PPARA: variants seen among roughly 807,000 people sequenced by gnomAD.
The protein encoded by PPARA is peroxisome proliferator-activated receptor alpha.
In PPARA, 22 loss-of-function variants were observed where a neutral mutation model predicts 42.2. That is an observed-to-expected ratio of 0.52 (90% CI 0.37 to 0.74). The LOEUF is 0.74. Among genes scored for constraint, PPARA ranks in the 30% least tolerant of loss-of-function variants. PPARA has a pLI of 0.00. For missense variants in PPARA, 465 were observed against 608.2 expected, an observed-to-expected ratio of 0.76 and a Z score of 2.48; for synonymous variants, 242 against 239.3, an observed-to-expected ratio of 1.01 and a Z score of -0.10.
rs148478205 is a variant in PPARA at position 46,237,669 on chromosome 22, C to T, written c.*2289C>T. 8.3e-3 allele frequency: 1,268 copies of T among 152,086 alleles called. 10 individuals are homozygous for T. The highest frequency in any genetic ancestry group is 0.024 in the Middle Eastern group (7 of 290). The allele number at this position is 152,086 out of a possible 1,614,324, so 9.4% of individuals were successfully genotyped here. ...TGTTGGCCAGCAATGGCAGCAGCAG[C>T]GGCGGGCAGTCTGCCCAAGTGTCTT... On this transcript the variant is annotated 3_prime_UTR_variant, in exon 9 of 9. Coordinates refer to ENST00000407236, the MANE Select transcript of PPARA (RefSeq NM_005036.6). This position sits in a 1 kb window ranked among gnomAD's most constrained non-coding sequence, Gnocchi z 6.7.
In PPARA at chr22:46,238,734, G is replaced by A. The variant is rs1389324503; in HGVS notation, c.*3354G>A. ...CCTCTCCATTGTCCAGGGGAGCCTG[G>A]CGGCGCATCCCTCCTCTCCCACCTC... On this transcript the variant is annotated 3_prime_UTR_variant, in exon 9 of 9. Coordinates refer to ENST00000407236, the MANE Select transcript of PPARA (RefSeq NM_005036.6). The surrounding 1 kb of genome is among the most constrained non-coding windows in gnomAD (Gnocchi z 8.3). The A allele has an allele frequency of 6.6e-6, 1 of 152,328 alleles. No individual in the cohort carries two copies. The highest frequency in any genetic ancestry group is 2.4e-5 in the African/African-American group (1 of 41,444). 9.4% of individuals were successfully genotyped at this position (152,328 alleles called of 1,614,324 possible).
Position 46,187,757 on chromosome 22 carries a change from G to C in PPARA, c.-42-10585G>C, listed in dbSNP as rs1448870318. Among the ~76,000 whole-genome samples, 1 of 152,156 alleles carries C rather than the reference G, an allele frequency of 6.6e-6. No homozygotes were observed. The highest frequency in any genetic ancestry group is 1.5e-5 in the Non-Finnish European group (1 of 68,032). On this transcript the variant is annotated intron_variant, in intron 3 of 8. Coordinates refer to ENST00000407236, the MANE Select transcript of PPARA (RefSeq NM_005036.6). This position sits in a 1 kb window ranked among gnomAD's most constrained non-coding sequence, Gnocchi z 4.9. ...TCCTACCTCTGCAGACTCACCTCTT[G>C]CCACTTCTCCCTTGAGGTAGATCAA... is the stretch of plus-strand genomic sequence containing the variant.
chr22:46,155,044 A>G (rs913677075), intron 2 of PPARA: 2 of 140,290 alleles, frequency 1.4e-5, no homozygotes, highest in Non-Finnish European at 3.1e-5. Flanking sequence ...TAATTAAAAT[A>G]TGTATTTGCT....
rs151142567 is a variant in PPARA at position 46,206,971 on chromosome 22, C to T, written c.209-8202C>T. ...GGCACAGTGGTTCACGCCTGTAATCCGAGCACTTTGGGAGGCCGAGGCGGG... is the reference window on the plus strand; with the variant it reads ...GGCACAGTGGTTCACGCCTGTAATCTGAGCACTTTGGGAGGCCGAGGCGGG... On this transcript the variant is annotated intron_variant, in intron 4 of 8. Transcript: ENST00000407236. Among the ~76,000 whole-genome samples, 271 of 152,166 alleles carry T rather than the reference C, an allele frequency of 1.8e-3. 3 individuals are homozygous for T. The East Asian group carries it at 0.04, about 23-fold the overall frequency.
At chr22:46,207,047 AC>A (rs1933381487) in intron 4 of PPARA, among the ~76,000 whole-genome samples, 2 of 152,060 alleles carry the variant, frequency 1.3e-5, no homozygotes, top group Admixed American at 1.3e-4. Context: ...ATAAGGTGAA[AC>A]CCTGTCTTTA....
Position 46,215,174 on chromosome 22 carries a change from C to CA in PPARA, c.211dup (p.Thr71AsnfsTer33). 6.2e-7 allele frequency: 1 copy of CA among 1,613,810 alleles called. No individual in the cohort carries two copies. The highest frequency in any genetic ancestry group is 8.5e-7 in the Non-Finnish European group (1 of 1,179,952). On this transcript the variant is annotated frameshift_variant and splice_region_variant, in exon 5 of 9. Coordinates refer to ENST00000407236, the MANE Select transcript of PPARA (RefSeq NM_005036.6). LOFTEE classifies it high-confidence loss of function. ...TCCGTCTCTCCTCTTTTTCCCCAGA[C>CA]ACGCTTTCACCAGCTTCGAGCCCCT... is the stretch of plus-strand genomic sequence containing the variant.
rs138528448 is a variant in PPARA, at chr22:46,225,456, G to C, written c.711+5442G>C. On this transcript the variant is annotated intron_variant, in intron 7 of 8. Coordinates refer to ENST00000407236, the MANE Select transcript of PPARA (RefSeq NM_005036.6). The surrounding 1 kb of genome is among the most constrained non-coding windows in gnomAD (Gnocchi z 4.1). ...AAGCAACAGAAAATGAGACTGAGGG[G>C]CTTGGGCAGAGTCAGTGCCTTCTGT... is the stretch of plus-strand genomic sequence containing the variant. Among the ~76,000 whole-genome samples, 163 of 152,198 alleles carry C rather than the reference G, an allele frequency of 1.1e-3. 1 individual carries two copies. Among genetic ancestry groups the C allele is most frequent in the Middle Eastern group, 3.4e-3 (1 of 294 alleles).
chr22:46,228,948 C>T (rs946684548), intron 7 of PPARA, among the ~76,000 whole-genome samples: 5 of 149,298 alleles, frequency 3.3e-5, no homozygotes, highest in African/African-American at 1.2e-4. Flanking sequence ...ACTAAAAATA[C>T]AAAAAAAAAT....
chr22:46,199,235 T>C lies in PPARA; in HGVS notation c.208+644T>C, dbSNP rs561561553. Reference sequence around the variant, plus strand: ...TGTGCAAGGGTCTGCATAGAGGTACTGTTGGTAAGAGGGAAGGATGGGAAA... The same window carrying C: ...TGTGCAAGGGTCTGCATAGAGGTACCGTTGGTAAGAGGGAAGGATGGGAAA... On this transcript the variant is annotated intron_variant, in intron 4 of 8. Transcript: ENST00000407236. 5.3e-5 allele frequency among the ~76,000 whole-genome samples: 8 copies of C among 152,316 alleles called. No homozygotes were observed. In the South Asian group the frequency reaches 1.2e-3, roughly 24 times the overall value.
chr22:46,172,986 G>T (rs5769219), intron 2 of PPARA, among the ~76,000 whole-genome samples: 1 of 152,306 alleles, frequency 6.6e-6, no homozygotes, highest in East Asian at 1.9e-4. Context: ...CTTTATAGCA[G>T]AAAATTCCAT....
Position 46,239,568 on chromosome 22 carries a change from A to G in PPARA, c.*4188A>G, listed in dbSNP as rs528743111. ...GATACGTGCAAAAGGTGCTACCCCA[A>G]TTTGGTGAAACTGACATTGGGCACG... is the stretch of plus-strand genomic sequence containing the variant. On this transcript the variant is annotated 3_prime_UTR_variant, in exon 9 of 9. Coordinates refer to ENST00000407236, the MANE Select transcript of PPARA (RefSeq NM_005036.6). 2 of 149,736 alleles carry G rather than the reference A, an allele frequency of 1.3e-5. No homozygotes were observed. Among genetic ancestry groups the G allele is most frequent in the East Asian group, 3.9e-4 (2 of 5,078 alleles). The allele number at this position is 149,736 out of a possible 1,614,324, so 9.3% of individuals were successfully genotyped here.
intron 3 of PPARA, 104 bp from the exon 4 acceptor site, chr22:46,198,237 CA>C (rs398037349): frequency 0.098 from 18,472 of 189,188 alleles, 2 homozygotes; most frequent in East Asian, 0.16. Context: ...GACTCTGTCT[CA>C]AAAAAAAAAA....
At chr22:46,158,872 C>T (rs41343752) in intron 2 of PPARA, among the ~76,000 whole-genome samples, 2,032 of 152,184 alleles carry the variant, frequency 0.013, 39 homozygotes, top group African/African-American at 0.046. Context: ...AGCTTGACAA[C>T]TGGGATAGTG....
intron 2 of PPARA, among the ~76,000 whole-genome samples, chr22:46,157,600 A>T (rs1164278768): frequency 1.3e-5 from 2 of 152,236 alleles, no homozygotes; most frequent in Admixed American, 6.5e-5. Flanking sequence ...TTTTTATAAG[A>T]TGACCTGAGG....
intron 2 of PPARA, chr22:46,164,773 T>G (rs1926788687): frequency 6.6e-6 from 1 of 152,256 alleles, no homozygotes; most frequent in Admixed American, 6.5e-5. Context: ...AAAATTTTAT[T>G]AGTGTTTTAA....
chr22:46,215,480 A>G, intron 5 of PPARA, 147 bp downstream of exon 5: 6 of 1,022,880 alleles, frequency 5.9e-6, no homozygotes, highest in Admixed American at 2.0e-5. Context: ...TCTCATGCCT[A>G]TAATTCCAGC....
At position 46,187,822 on chromosome 22, in the gene PPARA, G is replaced by C. The variant is rs1402514263; in HGVS notation, c.-42-10520G>C. Among the ~76,000 whole-genome samples the C allele has an allele frequency of 1.3e-5, 2 of 152,240 alleles. No homozygotes were observed. Among genetic ancestry groups the C allele is most frequent in the Non-Finnish European group, 2.9e-5 (2 of 68,046 alleles). ...TCTTTGAGGCTCTTCCCATCAAGAG[G>C]TAGAGTTTATTTCCCCACCTCTTGG... is the stretch of plus-strand genomic sequence containing the variant. On this transcript the variant is annotated intron_variant, in intron 3 of 8. Coordinates refer to ENST00000407236, the MANE Select transcript of PPARA (RefSeq NM_005036.6). This position sits in a 1 kb window ranked among gnomAD's most constrained non-coding sequence, Gnocchi z 4.9.
In PPARA at chr22:46,193,617, T is replaced by C. The variant is rs1247536888; in HGVS notation, c.-42-4725T>C. On this transcript the variant is annotated intron_variant, in intron 3 of 8. Transcript: ENST00000407236. The surrounding 1 kb of genome is among the most constrained non-coding windows in gnomAD (Gnocchi z 5.3). The stretch of plus-strand genomic sequence containing the variant: ...ATAATTTTTAAAATAAAAAAATAAA[T>C]TGTAAGGGAAAGAAAATTATGAATT... Among the ~76,000 whole-genome samples the C allele has an allele frequency of 6.6e-6, 1 of 151,844 alleles. No homozygotes were observed. Among genetic ancestry groups the C allele is most frequent in the African/African-American group, 2.4e-5 (1 of 41,296 alleles).
At position 46,222,459 on chromosome 22, in the gene PPARA, A is replaced by G. The variant is rs1418156198; in HGVS notation, c.711+2445A>G. On this transcript the variant is annotated intron_variant, in intron 7 of 8. Transcript: ENST00000407236. The surrounding 1 kb of genome is among the most constrained non-coding windows in gnomAD (Gnocchi z 5.9). Reference sequence around the variant, plus strand: ...TTTCACAAGCTACTTACTTTCATGAACAAACCAAACCTCTTCTTTACTGAG... The same window carrying G: ...TTTCACAAGCTACTTACTTTCATGAGCAAACCAAACCTCTTCTTTACTGAG... 6.6e-6 allele frequency among the ~76,000 whole-genome samples: 1 copy of G among 152,232 alleles called. No individual in the cohort carries two copies. Among genetic ancestry groups the G allele is most frequent in the Non-Finnish European group, 1.5e-5 (1 of 68,048 alleles).
Sources: gnomAD v4.1 joint callset for allele counts (sites outside exome capture counted in the v4.1 genomes callset) on GRCh38, gnomAD v4.1.1 for gene constraint, Gnocchi (gnomAD v3.1) non-coding constraint, MANE v1.5 for transcripts, NCBI Gene and HGNC (gene_info 2026-07-23, HGNC 2026-07-21) for gene names.